Variants in GRIN2B observed in about 807,000 individuals in gnomAD.
GRIN2B encodes glutamate ionotropic receptor NMDA type subunit 2B, also known as glutamate receptor ionotropic, NMDA 2B.
GRIN2B carries 5 observed loss-of-function variants against 114.5 expected under a neutral mutation model. The ratio of observed to expected loss-of-function variants is 0.04; its 90% CI spans 0.02 to 0.09. The LOEUF (loss-of-function observed/expected upper bound fraction) is 0.09. Ranked by LOEUF, GRIN2B falls within the 10% of genes least tolerant of loss-of-function variation. GRIN2B has a pLI of 1.00. For synonymous variants in GRIN2B, 787 were observed against 745.1 expected, an observed-to-expected ratio of 1.06 and a Z score of -0.92; for missense variants, 1,108 against 1,943.5, an observed-to-expected ratio of 0.57 and a Z score of 8.08.
At chr12:13,644,816 T>C (rs1441076635) in intron 5 of GRIN2B, among the ~76,000 whole-genome samples, 1 of 152,166 alleles carries the variant, frequency 6.6e-6, no homozygotes, top group Non-Finnish European at 1.5e-5. Flanking sequence ...TAACCTCTGC[T>C]AACTTCTAAC....
chr12:13,715,639 A>C (rs73051565), intron 4 of GRIN2B, among the ~76,000 whole-genome samples: 1 of 151,950 alleles, frequency 6.6e-6, no homozygotes, highest in Non-Finnish European at 1.5e-5. Flanking sequence ...CTGATTGTGC[A>C]GGTAAAAATC....
At chr12:13,917,605 A>T (rs1447957332) in intron 2 of GRIN2B, among the ~76,000 whole-genome samples, 2 of 152,192 alleles carry the variant, frequency 1.3e-5, no homozygotes, top group Non-Finnish European at 2.9e-5. Flanking sequence ...CTGGCATGCC[A>T]TTGGATTCTT....
At position 13,922,803 on chromosome 12, in the gene GRIN2B, G is replaced by A. The variant is rs531210940; in HGVS notation, c.-18-56577C>T. Among the ~76,000 whole-genome samples the A allele has an allele frequency of 2.6e-5, 4 of 152,316 alleles. No homozygotes were observed. In the South Asian group the frequency reaches 8.3e-4, roughly 32 times the overall value. ...TTGGGAAACAACGCCTCCTCCAGTGGATAAAATCTCCATGGAATTGTCAAA... is the reference window on the plus strand; with the variant it reads ...TTGGGAAACAACGCCTCCTCCAGTGAATAAAATCTCCATGGAATTGTCAAA... On this transcript the variant is annotated intron_variant, in intron 2 of 13. Coordinates refer to ENST00000609686, the MANE Select transcript of GRIN2B (RefSeq NM_000834.5).
At chr12:13,952,371 T>A (rs1867499594) in intron 2 of GRIN2B, among the ~76,000 whole-genome samples, 1 of 152,192 alleles carries the variant, frequency 6.6e-6, no homozygotes, top group Non-Finnish European at 1.5e-5. Flanking sequence ...TCCGCAGGAA[T>A]CCACAAATTA....
intron 5 of GRIN2B, among the ~76,000 whole-genome samples, chr12:13,621,398 A>C (rs1226383893): frequency 6.6e-6 from 1 of 152,092 alleles, no homozygotes; most frequent in African/African-American, 2.4e-5. Context: ...TTAAAATATG[A>C]TCAGGAAAAT....
At chr12:13,733,862 A>G (rs1863132885) in intron 4 of GRIN2B, among the ~76,000 whole-genome samples, 1 of 152,222 alleles carries the variant, frequency 6.6e-6, no homozygotes, top group Admixed American at 6.5e-5. Context: ...TTTCCAAGTA[A>G]GCATCTCTTG....
Position 13,755,169 on chromosome 12 carries a change from A to T in GRIN2B, c.412-1254T>A, listed in dbSNP as rs138992398. Reference sequence around the variant, plus strand: ...TCCTCCAATGAGAGCTTCAAAGTACAGTTACAAGAGACCTGGGCTTTTAAA... The same window carrying T: ...TCCTCCAATGAGAGCTTCAAAGTACTGTTACAAGAGACCTGGGCTTTTAAA... On this transcript the variant is annotated intron_variant, in intron 3 of 13. Coordinates refer to ENST00000609686, the MANE Select transcript of GRIN2B (RefSeq NM_000834.5). Among the ~76,000 whole-genome samples, 17 of 152,338 alleles carry T rather than the reference A, an allele frequency of 1.1e-4. No homozygotes were observed. In the East Asian group the frequency reaches 3.1e-3, roughly 28 times the overall value.
intron 4 of GRIN2B, among the ~76,000 whole-genome samples, chr12:13,728,563 A>G (rs1863031649): frequency 6.6e-6 from 1 of 152,126 alleles, no homozygotes; most frequent in African/African-American, 2.4e-5. Flanking sequence ...GAGAGAAAGG[A>G]TGGAGAAAAA....
chr12:13,674,460 G>A (rs781618481), intron 5 of GRIN2B, among the ~76,000 whole-genome samples: 2 of 152,070 alleles, frequency 1.3e-5, no homozygotes, highest in Non-Finnish European at 2.9e-5. Context: ...CTTTCAACTT[G>A]AAGAATTAGA....
At chr12:13,767,539 C>G (rs1863820590) in intron 3 of GRIN2B, among the ~76,000 whole-genome samples, 1 of 152,140 alleles carries the variant, frequency 6.6e-6, no homozygotes, top group African/African-American at 2.4e-5. Context: ...ACACTATAAA[C>G]AGCAACATAG....
At chr12:13,960,077 C>T (rs1276401233) in intron 2 of GRIN2B, among the ~76,000 whole-genome samples, 1 of 152,144 alleles carries the variant, frequency 6.6e-6, no homozygotes, top group East Asian at 1.9e-4. Context: ...CAAGGGCTGT[C>T]TCATGCATCC....
chr12:13,833,019 C>T (rs990418581), intron 3 of GRIN2B, among the ~76,000 whole-genome samples: 10 of 152,000 alleles, frequency 6.6e-5, no homozygotes, highest in East Asian at 1.9e-4. Context: ...AGGAACAAAG[C>T]GGATCATGTA....
intron 4 of GRIN2B, among the ~76,000 whole-genome samples, chr12:13,749,718 C>T (rs1380921537): frequency 6.6e-6 from 1 of 152,154 alleles, no homozygotes; most frequent in Admixed American, 6.6e-5. Context: ...GGAGCTTGAA[C>T]TGAATGTGCC....
chr12:13,803,241 A>G (rs1864547225), intron 3 of GRIN2B, among the ~76,000 whole-genome samples: 1 of 152,148 alleles, frequency 6.6e-6, no homozygotes, highest in Non-Finnish European at 1.5e-5. Flanking sequence ...GGCTGTTAGT[A>G]GTTAAGTTTT....
chr12:13,579,593 T>C (rs1591617119), intron 10 of GRIN2B, among the ~76,000 whole-genome samples: 1 of 152,228 alleles, frequency 6.6e-6, no homozygotes, highest in African/African-American at 2.4e-5. Context: ...GTCATCATCA[T>C]CTTCATCATC....
At position 13,981,191 on chromosome 12, in the gene GRIN2B, T is replaced by C. The variant is rs528928929; in HGVS notation, c.-448+151A>G. ...AAAAAAAACCTTTAAAAAAGCCACG[T>C]CCAAATTAGCAAGTGCCGGGTTCTG... On this transcript the variant is annotated intron_variant, in intron 1 of 13. Transcript: ENST00000609686. Among the ~76,000 whole-genome samples, 7 of 150,002 alleles carry C rather than the reference T, an allele frequency of 4.7e-5. No individual in the cohort carries two copies. The East Asian group carries it at 1.2e-3, about 25-fold the overall frequency.
chr12:13,602,865 TGAG>T (rs1293257002), intron 10 of GRIN2B, among the ~76,000 whole-genome samples: 2 of 152,184 alleles, frequency 1.3e-5, no homozygotes, highest in African/African-American at 2.4e-5. Flanking sequence ...TCTACTTCCT[TGAG>T]GAGAAGAGCT....
At chr12:13,582,234 T>A (rs1236949195) in intron 10 of GRIN2B, among the ~76,000 whole-genome samples, 1 of 152,090 alleles carries the variant, frequency 6.6e-6, no homozygotes, top group Non-Finnish European at 1.5e-5. Context: ...GGAATGGAGG[T>A]AAGAGGAATA....
intron 2 of GRIN2B, among the ~76,000 whole-genome samples, chr12:13,959,768 T>TG: frequency 1.3e-5 from 1 of 78,338 alleles, no homozygotes; most frequent in East Asian, 3.5e-4. Context: ...TTTTTCTTTT[T>TG]CTTTTTTTTT....
Sources: gnomAD v4.1 joint callset for allele counts (sites outside exome capture counted in the v4.1 genomes callset) on GRCh38, gnomAD v4.1.1 for gene constraint, MANE v1.5 for transcripts, NCBI Gene and HGNC (gene_info 2026-07-23, HGNC 2026-07-21) for gene names.